Variants in TTC28 observed in about 807,000 individuals in gnomAD.
TTC28 encodes tetratricopeptide repeat protein 28.
A neutral mutation model predicts 198.0 loss-of-function variants in TTC28; 61 were observed. The ratio of observed to expected loss-of-function variants is 0.31; its 90% CI spans 0.25 to 0.38. TTC28 has a LOEUF of 0.38. Among genes scored for constraint, TTC28 ranks in the 10% least tolerant of loss-of-function variants. The pLI is 1.00. For synonymous variants in TTC28, 1,171 were observed against 1,297.8 expected (o/e 0.90, Z 2.10); for missense variants, 2,678 against 3,164.0 (o/e 0.85, Z 3.69).
At chr22:28,632,849 G>T (rs2051201799) in intron 1 of TTC28, among the ~76,000 whole-genome samples, 1 of 151,956 alleles carries the variant, frequency 6.6e-6, no homozygotes, top group African/African-American at 2.4e-5. Context: ...GAGTAGGCTG[G>T]GCTCAGTGGT....
intron 6 of TTC28, among the ~76,000 whole-genome samples, chr22:28,121,265 T>C (rs923752516): frequency 1.3e-5 from 2 of 152,224 alleles, no homozygotes; most frequent in Admixed American, 1.3e-4. Flanking sequence ...TCACTTGAAC[T>C]TGGGCTTCCC....
intron 1 of TTC28, among the ~76,000 whole-genome samples, chr22:28,652,372 G>T (rs1355237553): frequency 1.3e-5 from 2 of 152,168 alleles, no homozygotes; most frequent in Non-Finnish European, 2.9e-5. Flanking sequence ...GCTTATGCTG[G>T]TTAATCAATT....
chr22:28,136,786 C>T (rs1943209274), intron 6 of TTC28, among the ~76,000 whole-genome samples: 1 of 152,136 alleles, frequency 6.6e-6, no homozygotes, highest in Admixed American at 6.5e-5. Flanking sequence ...GTTCTGTATA[C>T]CCACTACTTT....
At chr22:28,285,323 A>G (rs1018374083) in intron 5 of TTC28, among the ~76,000 whole-genome samples, 3 of 152,232 alleles carry the variant, frequency 2.0e-5, no homozygotes, top group African/African-American at 7.2e-5. Flanking sequence ...TTTTACTTAC[A>G]TGAAATTCCA....
At chr22:28,138,026 TA>T (rs149566216) in intron 6 of TTC28, among the ~76,000 whole-genome samples, 2 of 151,326 alleles carry the variant, frequency 1.3e-5, no homozygotes, top group African/African-American at 4.9e-5. Context: ...TGTTTTTTTT[TA>T]AAAAAAAGGA....
intron 2 of TTC28, among the ~76,000 whole-genome samples, chr22:28,432,867 A>G (rs114687518): frequency 1.1e-3 from 160 of 152,314 alleles, no homozygotes; most frequent in African/African-American, 3.7e-3. Flanking sequence ...TTTGTGGTCA[A>G]CATCCTCTAT....
At chr22:28,309,845 T>C (rs1443723937) in intron 2 of TTC28, among the ~76,000 whole-genome samples, 2 of 152,100 alleles carry the variant, frequency 1.3e-5, no homozygotes, top group African/African-American at 4.8e-5. Flanking sequence ...AGAACACCTA[T>C]ACCCTAAGTA....
chr22:28,032,214 A>C (rs1239736316), intron 12 of TTC28, among the ~76,000 whole-genome samples: 1 of 116,478 alleles, frequency 8.6e-6, no homozygotes, highest in African/African-American at 3.4e-5. Context: ...AAATATATAT[A>C]TATAAAATAT....
At chr22:28,285,083 C>T (rs2044656102) in intron 5 of TTC28, among the ~76,000 whole-genome samples, 1 of 152,168 alleles carries the variant, frequency 6.6e-6, no homozygotes, top group Non-Finnish European at 1.5e-5. Context: ...GATATGGAAA[C>T]AACCTAAGTG....
At position 27,998,803 on chromosome 22, in the gene TTC28, T is replaced by C. The variant is rs1379955438; in HGVS notation, c.4856A>G (p.Lys1619Arg). Residue 1619 changes from lysine to arginine, a missense_variant, in exon 16 of 23, where the codon AAG becomes AGG. By Grantham distance (26) the Lys-to-Arg change is conservative. Coordinates refer to ENST00000397906, the MANE Select transcript of TTC28 (RefSeq NM_001145418.2). ...ADVLDLQLPV[K>R]LVVLGSSQES... is the part of the protein sequence containing the mutation. ...CTGGGAGGAGCCAAGCACCACCAGC[T>C]TCACAGGCAGCTGCAGGTCCAGGAC... 1 of 1,550,664 alleles carries C rather than the reference T, an allele frequency of 6.4e-7. No individual in the cohort carries two copies. The highest frequency in any genetic ancestry group is 2.0e-5 in the Admixed American group (1 of 51,008).
At chr22:28,412,333 C>A (rs569484868) in intron 2 of TTC28, among the ~76,000 whole-genome samples, 2 of 152,176 alleles carry the variant, frequency 1.3e-5, no homozygotes, top group African/African-American at 4.8e-5. Context: ...ACCATGCAAC[C>A]ATGCATCCTC....
chr22:28,532,896 T>C (rs183859414), intron 2 of TTC28, among the ~76,000 whole-genome samples: 125 of 152,296 alleles, frequency 8.2e-4, no homozygotes, highest in African/African-American at 2.8e-3. Flanking sequence ...TAGGTATTGA[T>C]GGGACGTATC....
intron 12 of TTC28, among the ~76,000 whole-genome samples, chr22:28,091,561 C>T (rs144519946): frequency 4.2e-4 from 64 of 152,178 alleles, no homozygotes; most frequent in African/African-American, 1.3e-3. Flanking sequence ...GGGCAGACTC[C>T]GGCAGTGCCC....
At chr22:28,417,548 G>A (rs998102651) in intron 2 of TTC28, among the ~76,000 whole-genome samples, 5 of 152,110 alleles carry the variant, frequency 3.3e-5, no homozygotes, top group African/African-American at 1.2e-4. Flanking sequence ...AAAGATAGAC[G>A]ACATATGGCT....
chr22:28,361,102 T>C (rs889250942), intron 2 of TTC28, among the ~76,000 whole-genome samples: 2 of 152,186 alleles, frequency 1.3e-5, no homozygotes, highest in Admixed American at 1.3e-4. Flanking sequence ...TTAAGCCAAG[T>C]AATAACCCTA....
intron 2 of TTC28, among the ~76,000 whole-genome samples, chr22:28,522,677 G>A (rs897736836): frequency 5.3e-5 from 8 of 152,090 alleles, no homozygotes; most frequent in Admixed American, 2.0e-4. Context: ...CTGAAGCACA[G>A]CAAGAATAAA....
At chr22:27,996,482 G>T (rs1455021919) in intron 16 of TTC28, 2 of 591,734 alleles carry the variant, frequency 3.4e-6, no homozygotes, top group Admixed American at 6.3e-5. Context: ...CAGCTGTTCA[G>T]GTTAGTGGGG....
chr22:28,537,149 C>T (rs1335407659), intron 2 of TTC28, among the ~76,000 whole-genome samples: 2 of 150,992 alleles, frequency 1.3e-5, no homozygotes, highest in Non-Finnish European at 3.0e-5. Flanking sequence ...AAAAATTAGC[C>T]GGGCGTGGTG....
At chr22:28,560,756 T>TG (rs1555893636) in intron 2 of TTC28, among the ~76,000 whole-genome samples, 2 of 152,044 alleles carry the variant, frequency 1.3e-5, no homozygotes, top group African/African-American at 4.8e-5. Context: ...ATTTTCTTTT[T>TG]TTTGTTTGTT....
Sources: allele counts gnomAD v4.1 joint callset (sites outside exome capture counted in the v4.1 genomes callset), GRCh38; gene constraint gnomAD v4.1.1; transcripts MANE v1.5; gene names NCBI Gene and HGNC (gene_info 2026-07-23, HGNC 2026-07-21).